Variants in ZNF292 observed in about 807,000 individuals in gnomAD.
ZNF292 encodes the protein 16 zinc-finger domain protein.
ZNF292 carries 26 observed loss-of-function variants against 217.9 expected under a neutral mutation model. That is an observed-to-expected ratio of 0.12 (90% CI 0.09 to 0.17). The LOEUF (loss-of-function observed/expected upper bound fraction) is 0.17, where lower values mean the gene tolerates loss of function less well. Ranked by LOEUF, ZNF292 falls within the 10% of genes least tolerant of loss-of-function variation. ZNF292 has a pLI of 1.00. For missense variants in ZNF292, 2,904 were observed against 3,175.2 expected, an observed-to-expected ratio of 0.91 and a Z score of 2.05; for synonymous variants, 1,257 against 1,124.1, an observed-to-expected ratio of 1.12 and a Z score of -2.37.
intron 4 of ZNF292, among the ~76,000 whole-genome samples, chr6:87,224,253 A>C (rs1053925767): frequency 3.9e-5 from 6 of 151,990 alleles, no homozygotes; most frequent in Admixed American, 6.6e-5. Flanking sequence ...GGTTCTTTTC[A>C]TACATTTGTA....
chr6:87,228,647 A>G (rs955563029), intron 4 of ZNF292, among the ~76,000 whole-genome samples: 1 of 152,190 alleles, frequency 6.6e-6, no homozygotes, highest in African/African-American at 2.4e-5. Context: ...TTTTGCATTT[A>G]GGTATCTAAT....
intron 1 of ZNF292, among the ~76,000 whole-genome samples, chr6:87,199,361 G>A (rs1293119187): frequency 6.6e-6 from 1 of 152,162 alleles, no homozygotes; most frequent in East Asian, 1.9e-4. Flanking sequence ...TAGAGTTGTA[G>A]TAGTTCTTTA....
intron 1 of ZNF292, among the ~76,000 whole-genome samples, chr6:87,155,989 C>A (rs1770517929): frequency 6.6e-6 from 1 of 152,228 alleles, no homozygotes; most frequent in South Asian, 2.1e-4. Context: ...GGCGGAAAAT[C>A]CCCCCTCCCC....
In ZNF292 at chr6:87,263,197, T is replaced by C. The variant is rs896163862; in HGVS notation, c.*1396T>C. ...AGAGGTAGAGGTTATTCCAGGAGAG[T>C]TGATGACCTTCATTTAAAGTCCAAC... On this transcript the variant is annotated 3_prime_UTR_variant, in exon 8 of 8. Coordinates refer to ENST00000369577, the MANE Select transcript of ZNF292 (RefSeq NM_015021.3). 1 of 152,046 alleles carries C rather than the reference T, an allele frequency of 6.6e-6. No homozygotes were observed. Among genetic ancestry groups the C allele is most frequent in the African/African-American group, 2.4e-5 (1 of 41,432 alleles). The allele number at this position is 152,046 out of a possible 1,614,324, so 9.4% of individuals were successfully genotyped here.
chr6:87,236,394 T>TG (rs1773905584), intron 5 of ZNF292, among the ~76,000 whole-genome samples: 1 of 136,464 alleles, frequency 7.3e-6, no homozygotes, highest in Non-Finnish European at 1.6e-5. Context: ...AGGTTGTTTT[T>TG]TTTTTTTTTT....
intron 4 of ZNF292, among the ~76,000 whole-genome samples, chr6:87,231,127 G>GA (rs1171833773): frequency 6.6e-6 from 1 of 151,758 alleles, no homozygotes; most frequent in Non-Finnish European, 1.5e-5. Flanking sequence ...AGAGAAGTGG[G>GA]AAAAAAAAGT....
At position 87,258,540 on chromosome 6, in the gene ZNF292, A is replaced by G. The variant is rs148546767; in HGVS notation, c.4911A>G (p.Pro1637=). ...AGAGAAGAAAGAAAGTTGCTCCTCC[A>G]CTAATTGCACCTAACGCTTCCCAAA... The part of the protein sequence containing the change: ...ASKRRKKVAP[P]LIAPNASQNL... The change falls in exon 8 of 8, where the codon CCA becomes CCG. Residue 1637 remains proline, a synonymous_variant. Transcript: ENST00000369577. The G allele has an allele frequency of 1.0e-3, 1,650 of 1,613,658 alleles. 3 individuals are homozygous for G. Among genetic ancestry groups the G allele is most frequent in the Admixed American group, 1.9e-3 (113 of 59,916 alleles).
At chr6:87,205,283 T>C (rs1221026271) in intron 1 of ZNF292, among the ~76,000 whole-genome samples, 1 of 151,950 alleles carries the variant, frequency 6.6e-6, no homozygotes, top group Non-Finnish European at 1.5e-5. Context: ...TATGTTGCTC[T>C]GGCTGGTCTC....
rs1015269930 is a variant in ZNF292, at chr6:87,243,525, A to T, written c.792A>T (p.Glu264Asp). 8.3e-6 allele frequency: 13 copies of T among 1,557,268 alleles called. No individual in the cohort carries two copies. Among genetic ancestry groups the T allele is most frequent in the Non-Finnish European group, 1.0e-5 (12 of 1,149,898 alleles). Reference protein sequence around the residue: ...KDALEMICNLESEGDEKSALV... With the variant: ...KDALEMICNLDSEGDEKSALV... ...CACTGGAAATGATCTGTAACTTAGA[A>T]TCTGAGGGTGATGAAAAAAGCGCTC... Residue 264 changes from glutamate (E) to aspartate (D), a missense_variant, in exon 6 of 8, where the codon GAA becomes GAT. By Grantham distance (45) the Glu-to-Asp change is conservative. Transcript: ENST00000369577.
Position 87,261,910 on chromosome 6 carries a change from A to T in ZNF292, c.*109A>T. 1 of 861,574 alleles carries T rather than the reference A, an allele frequency of 1.2e-6. No homozygotes were observed. Among genetic ancestry groups the T allele is most frequent in the Admixed American group, 3.6e-5 (1 of 27,648 alleles). 53.4% of individuals were successfully genotyped at this position (861,574 alleles called of 1,614,324 possible). On this transcript the variant is annotated 3_prime_UTR_variant, in exon 8 of 8. Transcript: ENST00000369577. The stretch of plus-strand genomic sequence containing the variant: ...TTATATTTTTTTGTTGTTGACATGA[A>T]TTAACCTGGCCAAAAACAAAAAAGA...
intron 1 of ZNF292, among the ~76,000 whole-genome samples, chr6:87,186,723 G>A (rs1296525003): frequency 6.6e-6 from 1 of 152,146 alleles, no homozygotes; most frequent in South Asian, 2.1e-4. Flanking sequence ...CAGCCTGGGC[G>A]ATAGAACAAG....
Position 87,260,764 on chromosome 6 carries a change from A to G in ZNF292, c.7135A>G (p.Thr2379Ala). ...TAGAAATGATGCCCTGTCTGAGTGT[A>G]CAAGCAGATTTGTAACCCAGTATCC... is the stretch of plus-strand genomic sequence containing the variant. Reference protein sequence around the residue: ...KARNDALSECTSRFVTQYPCM... With the variant: ...KARNDALSECASRFVTQYPCM... Residue 2379 changes from threonine to alanine, a missense_variant, in exon 8 of 8, where the codon ACA (threonine) becomes GCA (alanine). By Grantham distance (58) the Thr-to-Ala change is moderately conservative. This residue lies in a region of ZNF292 where 27 missense variants were observed against 52.3 expected (regional missense o/e 0.52). Coordinates refer to ENST00000369577, the MANE Select transcript of ZNF292 (RefSeq NM_015021.3). The G allele has an allele frequency of 6.2e-7, 1 of 1,613,462 alleles. No individual in the cohort carries two copies. The highest frequency in any genetic ancestry group is 8.5e-7 in the Non-Finnish European group (1 of 1,179,630).
intron 1 of ZNF292, among the ~76,000 whole-genome samples, chr6:87,203,098 T>C (rs1772140613): frequency 6.6e-6 from 1 of 151,360 alleles, no homozygotes; most frequent in Admixed American, 6.6e-5. Context: ...CCCCTTAAAA[T>C]CTGTTATTAG....
intron 1 of ZNF292, among the ~76,000 whole-genome samples, chr6:87,160,504 T>TG (rs1162316934): frequency 7.9e-5 from 10 of 127,328 alleles, no homozygotes; most frequent in African/African-American, 2.5e-4. Flanking sequence ...TGTGTGTGTG[T>TG]GTGTGTGTGT....
chr6:87,195,292 G>A (rs983169134), intron 1 of ZNF292, among the ~76,000 whole-genome samples: 2 of 152,172 alleles, frequency 1.3e-5, no homozygotes, highest in Admixed American at 1.3e-4. Context: ...GAACAGAAAA[G>A]TATATTAGTA....
At chr6:87,203,133 CTTTTTTTT>C (rs67229216) in intron 1 of ZNF292, among the ~76,000 whole-genome samples, 3 of 116,248 alleles carry the variant, frequency 2.6e-5, no homozygotes, top group Admixed American at 9.3e-5. Context: ...ATATATTTTC[CTTTTTTTT>C]TTTTTTTTTT....
At chr6:87,190,164 T>A (rs1771784104) in intron 1 of ZNF292, among the ~76,000 whole-genome samples, 1 of 152,184 alleles carries the variant, frequency 6.6e-6, no homozygotes, top group Non-Finnish European at 1.5e-5. Context: ...GAGAAGAAAA[T>A]TTGTAAGATG....
chr6:87,231,356 C>T (rs552628676), intron 4 of ZNF292, among the ~76,000 whole-genome samples: 50 of 152,182 alleles, frequency 3.3e-4, no homozygotes, highest in Admixed American at 8.5e-4. Context: ...TTACCTCACA[C>T]TGTATAAAGC....
At position 87,262,123 on chromosome 6, in the gene ZNF292, A is replaced by T. The variant is rs1582537364; in HGVS notation, c.*322A>T. Reference sequence around the variant, plus strand: ...TGTTTCACCAGGTCACTGCTCATGTATAACAGTACTCTTTATTTGTAGATA... The same window carrying T: ...TGTTTCACCAGGTCACTGCTCATGTTTAACAGTACTCTTTATTTGTAGATA... On this transcript the variant is annotated 3_prime_UTR_variant, in exon 8 of 8. Coordinates refer to ENST00000369577, the MANE Select transcript of ZNF292 (RefSeq NM_015021.3). 2.3e-5 allele frequency: 4 copies of T among 176,714 alleles called. No homozygotes were observed. In the Middle Eastern group the frequency reaches 0.01, roughly 455 times the overall value. The allele number at this position is 176,714 out of a possible 1,614,324, so 10.9% of individuals were successfully genotyped here.
Sources: gnomAD v4.1 joint callset for allele counts (sites outside exome capture counted in the v4.1 genomes callset) on GRCh38, gnomAD v4.1.1 for gene constraint, gnomAD v4.1.1 regional missense constraint, MANE v1.5 for transcripts, NCBI Gene and HGNC (gene_info 2026-07-23, HGNC 2026-07-21) for gene names.